Variants in SH2D4A observed in about 807,000 individuals in gnomAD.
SH2D4A encodes the protein SH2 domain containing 4A.
Under a neutral mutation model 64.7 loss-of-function variants are expected in SH2D4A, and 70 were observed. The ratio of observed to expected loss-of-function variants is 1.08; its 90% CI spans 0.89 to 1.32. SH2D4A has a LOEUF of 1.32. SH2D4A is among the 40% of genes most tolerant of loss of function. SH2D4A has a pLI of 0.00. For synonymous variants in SH2D4A, 268 were observed against 200.7 expected, an observed-to-expected ratio of 1.34 and a Z score of -2.83; for missense variants, 706 against 540.1, an observed-to-expected ratio of 1.31 and a Z score of -3.04.
At chr8:19,318,311 A>G (rs1032090272) in intron 1 of SH2D4A, among the ~76,000 whole-genome samples, 3 of 152,220 alleles carry the variant, frequency 2.0e-5, no homozygotes, top group African/African-American at 7.2e-5. Context: ...CAGAATAGAT[A>G]TATTTACATA....
chr8:19,355,336 G>C (rs1210756572), intron 4 of SH2D4A, among the ~76,000 whole-genome samples: 1 of 152,092 alleles, frequency 6.6e-6, no homozygotes, highest in Non-Finnish European at 1.5e-5. Context: ...TTGGACTTTT[G>C]AGCAGACGCG....
At chr8:19,336,828 C>T (rs1006863758) in intron 4 of SH2D4A, among the ~76,000 whole-genome samples, 1 of 152,134 alleles carries the variant, frequency 6.6e-6, no homozygotes, top group Non-Finnish European at 1.5e-5. Context: ...GATTACACCA[C>T]TGTACTGTAG....
intron 8 of SH2D4A, among the ~76,000 whole-genome samples, chr8:19,388,872 G>GCCTCTAGGAGCTCAC (rs925175543): frequency 6.6e-6 from 1 of 152,200 alleles, no homozygotes; most frequent in African/African-American, 2.4e-5. Context: ...GGAGTAGTTG[G>GCCTCTAGGAGCTCAC]CCTCTAGGAG....
chr8:19,334,586 G>A, intron 3 of SH2D4A, 100 bp from the exon 4 acceptor site: 1 of 1,305,082 alleles, frequency 7.7e-7, no homozygotes, highest in Non-Finnish European at 1.0e-6. Flanking sequence ...AGTGGTGTCA[G>A]TTACTGTTTT....
chr8:19,384,586 C>G (rs946206814), intron 8 of SH2D4A, among the ~76,000 whole-genome samples: 1 of 152,124 alleles, frequency 6.6e-6, no homozygotes, highest in African/African-American at 2.4e-5. Context: ...TATTTGTAAA[C>G]TAAGTAAGTA....
rs1484234049 is a variant in SH2D4A, at chr8:19,364,338, G to A, written c.917+56G>A. On this transcript the variant is annotated intron_variant, in intron 7 of 9. Coordinates refer to ENST00000265807, the MANE Select transcript of SH2D4A (RefSeq NM_022071.4). ...AAACATTGCAATGGGCTTTGAATAA[G>A]CGTTGAAATTAAAGGGGAATTGTAT... 6.3e-6 allele frequency: 10 copies of A among 1,586,346 alleles called. No homozygotes were observed. In the East Asian group the frequency reaches 1.6e-4, roughly 25 times the overall value.
rs1563218197 is a variant in SH2D4A at position 19,394,736 on chromosome 8, G to C, written c.*94G>C. 1.1e-6 allele frequency: 1 copy of C among 869,994 alleles called. No homozygotes were observed. The highest frequency in any genetic ancestry group is 2.8e-5 in the East Asian group (1 of 36,322). The allele number at this position is 869,994 out of a possible 1,614,324, so 53.9% of individuals were successfully genotyped here. On this transcript the variant is annotated 3_prime_UTR_variant, in exon 10 of 10. Coordinates refer to ENST00000265807, the MANE Select transcript of SH2D4A (RefSeq NM_022071.4). Reference sequence around the variant, plus strand: ...TTATGTGTGAAGCCAAAATCACCCTGCAGCAGAGCCAATACTGATCAACTG... The same window carrying C: ...TTATGTGTGAAGCCAAAATCACCCTCCAGCAGAGCCAATACTGATCAACTG...
In SH2D4A at chr8:19,369,890, G is replaced by C. The variant is rs576971200; in HGVS notation, c.918-3640G>C. ...AGTTCTTGTTTTTCTAGTTCTTGTG[G>C]TACAACAATAAAATTACTTATTTGA... On this transcript the variant is annotated intron_variant, in intron 7 of 9. Transcript: ENST00000265807. 3.9e-5 allele frequency among the ~76,000 whole-genome samples: 6 copies of C among 151,942 alleles called. No homozygotes were observed. The South Asian group carries it at 1.2e-3, about 32-fold the overall frequency.
chr8:19,349,025 C>T (rs775954450), intron 4 of SH2D4A, among the ~76,000 whole-genome samples: 5 of 152,010 alleles, frequency 3.3e-5, no homozygotes, highest in Admixed American at 6.6e-5. Flanking sequence ...GCTAGAATTT[C>T]GAGGATTGAA....
intron 7 of SH2D4A, among the ~76,000 whole-genome samples, chr8:19,368,426 T>C (rs1224157768): frequency 6.6e-6 from 1 of 152,186 alleles, no homozygotes; most frequent in East Asian, 1.9e-4. Flanking sequence ...AGGAATTACA[T>C]TGAATCAGAT....
At chr8:19,321,960 C>T (rs1233397360) in intron 2 of SH2D4A, among the ~76,000 whole-genome samples, 3 of 152,020 alleles carry the variant, frequency 2.0e-5, no homozygotes, top group African/African-American at 4.8e-5. Context: ...TCTCAGAAAC[C>T]CTGTGTTAAC....
chr8:19,368,087 T>A (rs921575704), intron 7 of SH2D4A, among the ~76,000 whole-genome samples: 3 of 152,192 alleles, frequency 2.0e-5, no homozygotes, highest in African/African-American at 7.2e-5. Flanking sequence ...ACTATCTAGT[T>A]TTCTCAGTAC....
chr8:19,385,187 A>G (rs2053363776), intron 8 of SH2D4A, among the ~76,000 whole-genome samples: 1 of 150,966 alleles, frequency 6.6e-6, no homozygotes, highest in African/African-American at 2.4e-5. Context: ...GGATAGCAAT[A>G]TAGTTCACAC....
chr8:19,380,428 T>C (rs1429319847), intron 8 of SH2D4A, among the ~76,000 whole-genome samples: 1 of 152,216 alleles, frequency 6.6e-6, no homozygotes, highest in Non-Finnish European at 1.5e-5. Flanking sequence ...TTTGGTGTCA[T>C]ATCTAAGAAA....
Position 19,395,779 on chromosome 8 carries a change from T to G in SH2D4A, c.*1137T>G, listed in dbSNP as rs1232285776. On this transcript the variant is annotated 3_prime_UTR_variant, in exon 10 of 10. Transcript: ENST00000265807. Reference sequence around the variant, plus strand: ...ACTTCAGAATTCCAGACTCCAGAACTGGAAGAATAAATGTCTGTTGTTTTA... The same window carrying G: ...ACTTCAGAATTCCAGACTCCAGAACGGGAAGAATAAATGTCTGTTGTTTTA... The G allele has an allele frequency of 6.6e-6, 1 of 152,144 alleles. No individual in the cohort carries two copies. Among genetic ancestry groups the G allele is most frequent in the African/African-American group, 2.4e-5 (1 of 41,412 alleles). 9.4% of individuals were successfully genotyped at this position (152,144 alleles called of 1,614,324 possible).
intron 8 of SH2D4A, among the ~76,000 whole-genome samples, chr8:19,386,254 T>C (rs2053389847): frequency 6.6e-6 from 1 of 152,220 alleles, no homozygotes. Context: ...GTAAAGCAGC[T>C]GGAGAAGATG....
At chr8:19,318,160 TC>T (rs2052122667) in intron 1 of SH2D4A, among the ~76,000 whole-genome samples, 1 of 152,204 alleles carries the variant, frequency 6.6e-6, no homozygotes, top group Non-Finnish European at 1.5e-5. Flanking sequence ...CTCTTTGGCC[TC>T]CCAAAGTGCT....
intron 2 of SH2D4A, among the ~76,000 whole-genome samples, chr8:19,330,750 C>T (rs1413552074): frequency 2.6e-5 from 4 of 151,978 alleles, no homozygotes; most frequent in African/African-American, 9.7e-5. Context: ...TCTTTCTGGG[C>T]ATCTTCCTCT....
rs77124722 is a variant in SH2D4A, at chr8:19,350,860, G to A, written c.514-6343G>A. 7.1e-3 allele frequency among the ~76,000 whole-genome samples: 1,075 copies of A among 152,266 alleles called. 10 individuals carry two copies. Among genetic ancestry groups the A allele is most frequent in the African/African-American group, 0.025 (1,020 of 41,530 alleles). ...CTGTACTTTCAAGTCGGGGTATTCA[G>A]TAGTCTCTGTGCGTGGATTTTGCTT... is the stretch of plus-strand genomic sequence containing the variant. On this transcript the variant is annotated intron_variant, in intron 4 of 9. Coordinates refer to ENST00000265807, the MANE Select transcript of SH2D4A (RefSeq NM_022071.4).
Sources: gnomAD v4.1 joint callset for allele counts (sites outside exome capture counted in the v4.1 genomes callset) on GRCh38, gnomAD v4.1.1 for gene constraint, MANE v1.5 for transcripts, NCBI Gene and HGNC (gene_info 2026-07-23, HGNC 2026-07-21) for gene names.